Variants in NDST4 observed in about 807,000 individuals in gnomAD.
NDST4 encodes the protein N-heparan sulfate sulfotransferase 4.
NDST4 carries 63 observed loss-of-function variants against 100.8 expected under a neutral mutation model. The observed-to-expected ratio is 0.62, with a 90% CI of 0.51 to 0.77. NDST4 has a LOEUF of 0.77. Among genes scored for constraint, NDST4 ranks in the 30% least tolerant of loss-of-function variants. The probability of loss-of-function intolerance (pLI) is 0.00; values close to 1 mark genes in which losing one functional copy is unlikely to be tolerated. For synonymous variants in NDST4, 377 were observed against 361.8 expected, an observed-to-expected ratio of 1.04 and a Z score of -0.48; for missense variants, 943 against 1,018.4, an observed-to-expected ratio of 0.93 and a Z score of 1.01.
chr4:114,995,630 T>G (rs1727142628), intron 2 of NDST4, among the ~76,000 whole-genome samples: 1 of 152,108 alleles, frequency 6.6e-6, no homozygotes, highest in African/African-American at 2.4e-5. Flanking sequence ...TGTGGGAATT[T>G]TATTTGAATT....
At chr4:114,890,830 A>T (rs1170047560) in intron 6 of NDST4, among the ~76,000 whole-genome samples, 3 of 151,958 alleles carry the variant, frequency 2.0e-5, no homozygotes, top group Non-Finnish European at 4.4e-5. Context: ...CTCCACTATC[A>T]CTTTGCCTAC....
intron 6 of NDST4, among the ~76,000 whole-genome samples, chr4:114,883,479 G>A (rs1169482677): frequency 6.6e-6 from 1 of 151,984 alleles, no homozygotes; most frequent in Non-Finnish European, 1.5e-5. Context: ...TAAAAGAAGA[G>A]ATAAAATGGA....
intron 6 of NDST4, among the ~76,000 whole-genome samples, chr4:114,897,316 A>G (rs1001816920): frequency 5.3e-5 from 8 of 152,180 alleles, no homozygotes; most frequent in African/African-American, 1.2e-4. Context: ...AGAATGTCAT[A>G]TAGTTGAAAA....
intron 12 of NDST4, among the ~76,000 whole-genome samples, chr4:114,831,562 T>C (rs1162296153): frequency 6.6e-6 from 1 of 152,118 alleles, no homozygotes; most frequent in Admixed American, 6.5e-5. Flanking sequence ...GTCAACATAT[T>C]TATACACATG....
intron 2 of NDST4, among the ~76,000 whole-genome samples, chr4:115,032,647 G>T (rs1560573988): frequency 6.6e-6 from 1 of 152,028 alleles, no homozygotes. Context: ...AGTTTCCATT[G>T]TAATCTTCAT....
At chr4:114,888,342 G>A (rs149024688) in intron 6 of NDST4, among the ~76,000 whole-genome samples, 394 of 152,110 alleles carry the variant, frequency 2.6e-3, no homozygotes, top group African/African-American at 9.3e-3. Context: ...AGGGAGAAAT[G>A]ATACACCTGA....
chr4:114,977,935 A>G (rs537604027), intron 2 of NDST4, among the ~76,000 whole-genome samples: 1 of 152,134 alleles, frequency 6.6e-6, no homozygotes, highest in East Asian at 1.9e-4. Flanking sequence ...TTGGAATTAT[A>G]CTATGTGAAA....
intron 2 of NDST4, among the ~76,000 whole-genome samples, chr4:115,048,827 CG>C (rs1728520544): frequency 6.6e-6 from 1 of 151,676 alleles, no homozygotes; most frequent in Non-Finnish European, 1.5e-5. Flanking sequence ...TTAGTAGAGA[CG>C]GGGTTTCAAC....
chr4:115,015,081 A>C (rs1472709300), intron 2 of NDST4, among the ~76,000 whole-genome samples: 3 of 152,092 alleles, frequency 2.0e-5, no homozygotes, highest in Non-Finnish European at 4.4e-5. Context: ...GCAGCGCTCC[A>C]CTGGGGTCAA....
At chr4:114,986,830 A>ATATATATATATATATATTTATT (rs1553959396) in intron 2 of NDST4, among the ~76,000 whole-genome samples, 10 of 91,964 alleles carry the variant, frequency 1.1e-4, no homozygotes, top group Admixed American at 3.1e-4. Flanking sequence ...ATATATATAT[A>ATATATATATATATATATTTATT]TATTTTAATA....
chr4:115,031,445 T>G (rs994885364), intron 2 of NDST4, among the ~76,000 whole-genome samples: 6 of 152,084 alleles, frequency 3.9e-5, no homozygotes, highest in Non-Finnish European at 8.8e-5. Context: ...CTCTTCCCAG[T>G]AATGCCCTCT....
chr4:114,959,515 T>C (rs952201483), intron 4 of NDST4, among the ~76,000 whole-genome samples: 1 of 152,190 alleles, frequency 6.6e-6, no homozygotes, highest in Non-Finnish European at 1.5e-5. Context: ...CATATGAGAC[T>C]TATTCACTGT....
chr4:115,043,443 A>G (rs1728396542), intron 2 of NDST4, among the ~76,000 whole-genome samples: 1 of 152,098 alleles, frequency 6.6e-6, no homozygotes, highest in Admixed American at 6.6e-5. Context: ...TGTATAAATG[A>G]TGCACTCATG....
chr4:115,021,607 TACACATTCCATATATAC>T (rs1200025987), intron 2 of NDST4, among the ~76,000 whole-genome samples: 1 of 119,358 alleles, frequency 8.4e-6, no homozygotes, highest in Non-Finnish European at 1.7e-5. Context: ...GTTCCACATA[TACACATTCCATATATAC>T]ACACGTTCCA....
intron 6 of NDST4, among the ~76,000 whole-genome samples, chr4:114,895,821 TA>T (rs546560211): frequency 6.0e-4 from 88 of 147,374 alleles, no homozygotes; most frequent in African/African-American, 2.0e-3. Context: ...AAAATATAAT[TA>T]AAAAAAAAAG....
chr4:114,829,811 T>C lies in NDST4; in HGVS notation c.2478A>G (p.Lys826=), dbSNP rs1723155384. The change falls in exon 13 of 14, where the codon AAA becomes AAG. Residue 826 remains lysine (K), a synonymous_variant. Transcript: ENST00000264363. ...TTACCTCTGGATCCATAGGTGGATA[T>C]TTTCGGCCTTTGCTTTTTCCAAGGC... ...TKCLGKSKGR[K]YPPMDPESRT... The C allele has an allele frequency of 1.2e-6, 2 of 1,611,216 alleles. No homozygotes were observed. The highest frequency in any genetic ancestry group is 8.5e-7 in the Non-Finnish European group (1 of 1,179,202).
Position 115,008,680 on chromosome 4 carries a change from C to A in NDST4, c.979-31406G>T, listed in dbSNP as rs1417716434. On this transcript the variant is annotated intron_variant, in intron 2 of 13. Coordinates refer to ENST00000264363, the MANE Select transcript of NDST4 (RefSeq NM_022569.3). ...TTCAACATAGTGTTGGAAGTTCTGG[C>A]CAGGACAATTAGGCAGGAGAAGGAA... Among the ~76,000 whole-genome samples, 3 of 127,278 alleles carry A rather than the reference C, an allele frequency of 2.4e-5. 1 individual carries two copies. The highest frequency in any genetic ancestry group is 9.0e-5 in the African/African-American group (3 of 33,430). The allele number at this position is 127,278 out of a possible 152,430, so 83.5% of individuals were successfully genotyped here.
intron 7 of NDST4, among the ~76,000 whole-genome samples, chr4:114,869,920 C>G (rs2126196466): frequency 6.6e-6 from 1 of 152,170 alleles, no homozygotes; most frequent in Non-Finnish European, 1.5e-5. Flanking sequence ...TAAAGAGAAA[C>G]AAACAGTCTT....
intron 7 of NDST4, among the ~76,000 whole-genome samples, chr4:114,862,890 T>C (rs543733376): frequency 6.6e-6 from 1 of 152,276 alleles, no homozygotes; most frequent in Admixed American, 6.5e-5. Flanking sequence ...ATTTACATTA[T>C]TTCAGGTATT....
Sources: gnomAD v4.1 joint callset for allele counts (sites outside exome capture counted in the v4.1 genomes callset) on GRCh38, gnomAD v4.1.1 for gene constraint, MANE v1.5 for transcripts, NCBI Gene and HGNC (gene_info 2026-07-23, HGNC 2026-07-21) for gene names.